PTPRD: variants seen among roughly 807,000 people sequenced by gnomAD.
The protein encoded by PTPRD is protein tyrosine phosphatase receptor type D, also known as receptor-type tyrosine-protein phosphatase delta.
PTPRD carries 34 observed loss-of-function variants against 214.5 expected under a neutral mutation model. The observed-to-expected ratio is 0.16, with a 90% confidence interval of 0.12 to 0.21. PTPRD has a LOEUF of 0.21. PTPRD is among the 10% of genes least tolerant of loss of function. The pLI is 1.00. For synonymous variants in PTPRD, 1,128 were observed against 845.7 expected, an observed-to-expected ratio of 1.33 and a Z score of -5.79; for missense variants, 2,545 against 2,398.7, an observed-to-expected ratio of 1.06 and a Z score of -1.27.
At chr9:10,487,999 TC>T (rs1429856790) in intron 2 of PTPRD, among the ~76,000 whole-genome samples, 44 of 150,852 alleles carry the variant, frequency 2.9e-4, no homozygotes, top group Non-Finnish European at 5.9e-4. Flanking sequence ...TCTCTCTCTC[TC>T]TCTCTCTGTT....
At chr9:8,924,172 G>A (rs985560431) in intron 11 of PTPRD, among the ~76,000 whole-genome samples, 2 of 152,132 alleles carry the variant, frequency 1.3e-5, no homozygotes, top group African/African-American at 4.8e-5. Flanking sequence ...CAGTGCTTCT[G>A]AGAAAGGGAG....
At chr9:10,332,160 C>T (rs1205966266) in intron 3 of PTPRD, among the ~76,000 whole-genome samples, 1 of 151,794 alleles carries the variant, frequency 6.6e-6, no homozygotes, top group Admixed American at 6.6e-5. Flanking sequence ...TGAAAATTTG[C>T]TATTAAATCA....
chr9:9,580,935 C>A (rs967428272), intron 7 of PTPRD, among the ~76,000 whole-genome samples: 2 of 151,924 alleles, frequency 1.3e-5, no homozygotes, highest in African/African-American at 4.8e-5. Context: ...CAGTCCCTGT[C>A]AGTTGTGTTG....
intron 11 of PTPRD, among the ~76,000 whole-genome samples, chr9:8,835,524 C>G (rs2097399499): frequency 1.3e-5 from 2 of 151,992 alleles, no homozygotes; most frequent in Non-Finnish European, 2.9e-5. Context: ...ACAAGTTTTA[C>G]TTTTGTTTTG....
chr9:9,203,246 C>A (rs1369771236), intron 9 of PTPRD, among the ~76,000 whole-genome samples: 1 of 151,938 alleles, frequency 6.6e-6, no homozygotes. Context: ...CACACACACA[C>A]AAACACACAC....
chr9:9,091,281 C>T (rs967356453), intron 10 of PTPRD: 2 of 1,169,024 alleles, frequency 1.7e-6, no homozygotes, highest in Non-Finnish European at 2.5e-6. Context: ...ACAGGCTATT[C>T]TCTGGAGAAA....
intron 2 of PTPRD, among the ~76,000 whole-genome samples, chr9:10,606,726 G>C (rs888509664): frequency 6.6e-6 from 1 of 151,748 alleles, no homozygotes. Context: ...TTACATGTGG[G>C]TAGTAGTAAA....
chr9:9,154,766 G>T (rs533845603), intron 10 of PTPRD, among the ~76,000 whole-genome samples: 13 of 152,122 alleles, frequency 8.5e-5, no homozygotes, highest in African/African-American at 3.1e-4. Flanking sequence ...AGTGTAATCT[G>T]GTGTAGGCAA....
chr9:10,501,483 G>T (rs983511437), intron 2 of PTPRD, among the ~76,000 whole-genome samples: 7 of 151,880 alleles, frequency 4.6e-5, no homozygotes, highest in African/African-American at 1.7e-4. Flanking sequence ...TCTGTGGGCT[G>T]TGTGTTTACT....
rs556946534 is a variant in PTPRD at position 10,092,424 on chromosome 9, T to A, written c.-544-58634A>T. On this transcript the variant is annotated intron_variant, in intron 3 of 45. Coordinates refer to ENST00000381196, the MANE Select transcript of PTPRD (RefSeq NM_002839.4). The stretch of plus-strand genomic sequence containing the variant: ...AACACTCCTCTAAAAGCATCACTGA[T>A]GTGATATTTCTGCTGAGAAAATTTG... Among the ~76,000 whole-genome samples, 7 of 151,592 alleles carry A rather than the reference T, an allele frequency of 4.6e-5. No homozygotes were observed. In the South Asian group the frequency reaches 8.3e-4, roughly 18 times the overall value.
intron 3 of PTPRD, among the ~76,000 whole-genome samples, chr9:10,333,622 C>G (rs1417367346): frequency 6.6e-6 from 1 of 151,756 alleles, no homozygotes; most frequent in Admixed American, 6.6e-5. Context: ...AAGGTAAAAT[C>G]TTAGCAAGGA....
At chr9:9,590,056 G>A (rs1355260995) in intron 7 of PTPRD, among the ~76,000 whole-genome samples, 1 of 151,914 alleles carries the variant, frequency 6.6e-6, no homozygotes, top group Non-Finnish European at 1.5e-5. Flanking sequence ...TTAAAAGAAA[G>A]AGTACAAACA....
intron 2 of PTPRD, among the ~76,000 whole-genome samples, chr9:10,564,851 T>C (rs558144581): frequency 6.6e-6 from 1 of 152,202 alleles, no homozygotes; most frequent in African/African-American, 2.4e-5. Context: ...TTTCATTTTA[T>C]TTTTGGATAT....
At chr9:9,002,987 T>C (rs998720683) in intron 11 of PTPRD, among the ~76,000 whole-genome samples, 11 of 152,068 alleles carry the variant, frequency 7.2e-5, no homozygotes, top group Admixed American at 3.9e-4. Flanking sequence ...TGCTGGAAAT[T>C]AATCACCGTA....
At chr9:8,461,211 G>A (rs752319813) in intron 32 of PTPRD, among the ~76,000 whole-genome samples, 22 of 151,998 alleles carry the variant, frequency 1.4e-4, no homozygotes, top group Admixed American at 4.6e-4. Flanking sequence ...TTACAGATGC[G>A]AGATGTACAG....
At chr9:10,553,129 G>T (rs561213089) in intron 2 of PTPRD, among the ~76,000 whole-genome samples, 1 of 152,232 alleles carries the variant, frequency 6.6e-6, no homozygotes, top group African/African-American at 2.4e-5. Context: ...ATCTGGATTT[G>T]TTATATTCCT....
At chr9:10,220,228 G>A (rs1020289808) in intron 3 of PTPRD, among the ~76,000 whole-genome samples, 14 of 151,710 alleles carry the variant, frequency 9.2e-5, no homozygotes, top group Non-Finnish European at 7.4e-5. Context: ...AACATAATCT[G>A]TTTTTAAAAT....
At chr9:10,580,029 T>C (rs531183369) in intron 2 of PTPRD, among the ~76,000 whole-genome samples, 6 of 152,300 alleles carry the variant, frequency 3.9e-5, no homozygotes, top group South Asian at 4.1e-4. Context: ...CTGAAATGTA[T>C]AGAAACCTGA....
chr9:8,828,476 C>A (rs2097217487), intron 11 of PTPRD, among the ~76,000 whole-genome samples: 1 of 152,172 alleles, frequency 6.6e-6, no homozygotes, highest in Non-Finnish European at 1.5e-5. Context: ...ACACCTTGAT[C>A]TTGGACTTCT....
Sources: allele counts gnomAD v4.1 joint callset (sites outside exome capture counted in the v4.1 genomes callset), GRCh38; gene constraint gnomAD v4.1.1; transcripts MANE v1.5; gene names NCBI Gene and HGNC (gene_info 2026-07-23, HGNC 2026-07-21).